SUCNR1: variants seen among roughly 807,000 people sequenced by gnomAD.
SUCNR1 encodes the protein G-protein coupled receptor 91.
SUCNR1 carries 5 observed loss-of-function variants against 2.4 expected under a neutral mutation model. The ratio of observed to expected loss-of-function variants is 2.07; its 90% CI spans 1.08 to 4.36. SUCNR1 has a LOEUF of 4.36. Among genes scored for constraint, SUCNR1 ranks in the 30% most tolerant of loss-of-function variants. The pLI is 0.00. For missense variants in SUCNR1, 373 were observed against 399.2 expected, an observed-to-expected ratio of 0.93 and a Z score of 0.56; for synonymous variants, 162 against 143.9, an observed-to-expected ratio of 1.13 and a Z score of -0.90.
In SUCNR1 at chr3:151,881,479, C is replaced by G. The variant is rs139804843; in HGVS notation, c.936C>G (p.His312Gln). The G allele has an allele frequency of 6.2e-7, 1 of 1,613,924 alleles. No homozygotes were observed. Among genetic ancestry groups the G allele is most frequent in the Non-Finnish European group, 8.5e-7 (1 of 1,179,884 alleles). The part of the protein sequence containing the change: ...FRDMLMNQLR[H>Q]NFKSLTSFSR... ...ACATGCTGATGAATCAACTGAGACA[C>G]AACTTCAAATCCCTTACATCCTTTA... is the stretch of plus-strand genomic sequence containing the variant. Residue 312 changes from histidine (H) to glutamine (Q), a missense_variant, in exon 3 of 3, where the codon CAC (histidine) becomes CAG (glutamine). This residue lies in a region of SUCNR1 where 157 missense variants were observed against 178.7 expected (regional missense o/e 0.88). Transcript: ENST00000362032.
At position 151,881,036 on chromosome 3, in the gene SUCNR1, A is replaced by G. The variant is rs551220719; in HGVS notation, c.493A>G (p.Ile165Val). ...CATACTTCCCCTTATAAATCCTGTT[A>G]TAACTGACAATGGCACCACCTGTAA... The part of the protein sequence containing the change: ...LPILPLINPV[I>V]TDNGTTCNDF... Residue 165 changes from isoleucine (I) to valine (V), a missense_variant, in exon 3 of 3, where the codon ATA (isoleucine) becomes GTA (valine). Ile to Val is a conservative substitution (Grantham distance 29). Around this residue, in one of 3 missense-constraint regions of SUCNR1, gnomAD observed 32 missense variants for 58.3 expected, o/e 0.55. Coordinates refer to ENST00000362032, the MANE Select transcript of SUCNR1 (RefSeq NM_033050.6). 8.7e-6 allele frequency: 14 copies of G among 1,614,192 alleles called. No homozygotes were observed. The highest frequency in any genetic ancestry group is 6.6e-5 in the South Asian group (6 of 91,082).
At position 151,883,465 on chromosome 3, in the gene SUCNR1, C is replaced by CATATATATAT. The variant is rs57096358; in HGVS notation, c.*1948_*1957dup. The CATATATATAT allele has an allele frequency of 8.8e-3, 704 of 80,330 alleles. 13 individuals carry two copies. Among genetic ancestry groups the CATATATATAT allele is most frequent in the Non-Finnish European group, 0.011 (449 of 42,176 alleles). The allele number at this position is 80,330 out of a possible 1,614,324, so 5.0% of individuals were successfully genotyped here. A position where few individuals can be genotyped will look rare whatever the true frequency, so the allele number is the denominator to read the frequency against. ...AATATTTTTTCAAACCATAAACTCA[C>CATATATATAT]ATATATATATATATATATATATATA... is the stretch of plus-strand genomic sequence containing the variant. On this transcript the variant is annotated 3_prime_UTR_variant, in exon 3 of 3. Transcript: ENST00000362032.
chr3:151,879,083 T>C (rs1718004388), intron 1 of SUCNR1, among the ~76,000 whole-genome samples: 2 of 152,216 alleles, frequency 1.3e-5, no homozygotes, highest in South Asian at 4.1e-4. Context: ...CAACCTTGGT[T>C]TTCCTCACTA....
At chr3:151,875,122 T>C (rs1717885833) in intron 1 of SUCNR1, among the ~76,000 whole-genome samples, 1 of 152,150 alleles carries the variant, frequency 6.6e-6, no homozygotes. Context: ...TTTAGATATA[T>C]TTTTGGACTG....
At chr3:151,878,889 G>A (rs943839731) in intron 1 of SUCNR1, among the ~76,000 whole-genome samples, 2 of 152,110 alleles carry the variant, frequency 1.3e-5, no homozygotes, top group Non-Finnish European at 2.9e-5. Flanking sequence ...AAATACATGA[G>A]TTTTCCAGAT....
Position 151,874,261 on chromosome 3 carries a change from G to A in SUCNR1, c.-42+555G>A, listed in dbSNP as rs192674541. Among the ~76,000 whole-genome samples, 211 of 147,928 alleles carry A rather than the reference G, an allele frequency of 1.4e-3. 3 individuals are homozygous for A. Among genetic ancestry groups the A allele is most frequent in the Admixed American group, 3.0e-3 (44 of 14,516 alleles). On this transcript the variant is annotated intron_variant, in intron 1 of 2. Transcript: ENST00000362032. ...CATGTGTTGGCTCACTGCAACCTCC[G>A]CCTCTGGGGTTCAAGCAATTCTCCT...
At chr3:151,879,787 T>A (rs1000490987) in intron 1 of SUCNR1, 65 bp from the exon 2 acceptor site, 1 of 672,946 alleles carries the variant, frequency 1.5e-6, no homozygotes, top group African/African-American at 1.9e-5. Context: ...TTTGGCAATA[T>A]GGAAACAAGT....
chr3:151,873,903 T>G (rs1034956170), intron 1 of SUCNR1, among the ~76,000 whole-genome samples, 197 bp downstream of exon 1: 35 of 152,062 alleles, frequency 2.3e-4, no homozygotes, highest in African/African-American at 8.2e-4. Flanking sequence ...AAATTAACTG[T>G]CTTCTTTTAG....
intron 1 of SUCNR1, among the ~76,000 whole-genome samples, chr3:151,875,722 T>C (rs180963577): frequency 5.3e-4 from 80 of 152,242 alleles, no homozygotes; most frequent in Admixed American, 2.5e-3. Context: ...TTTTAAAAAG[T>C]TGTTTCAAAA....
intron 1 of SUCNR1, among the ~76,000 whole-genome samples, 197 bp downstream of exon 1, chr3:151,873,903 T>A (rs1034956170): frequency 6.6e-6 from 1 of 151,944 alleles, no homozygotes; most frequent in Non-Finnish European, 1.5e-5. Context: ...AAATTAACTG[T>A]CTTCTTTTAG....
intron 1 of SUCNR1, among the ~76,000 whole-genome samples, chr3:151,879,097 A>C (rs1718004669): frequency 6.6e-6 from 1 of 152,218 alleles, no homozygotes; most frequent in Non-Finnish European, 1.5e-5. Context: ...CTCACTAGAA[A>C]TAAGTAACAC....
chr3:151,875,058 G>C (rs1717883344), intron 1 of SUCNR1, among the ~76,000 whole-genome samples: 1 of 152,020 alleles, frequency 6.6e-6, no homozygotes, highest in Non-Finnish European at 1.5e-5. Flanking sequence ...AGTATTATTG[G>C]TCTGCTTATG....
At chr3:151,876,434 G>A (rs899992357) in intron 1 of SUCNR1, among the ~76,000 whole-genome samples, 43 of 152,124 alleles carry the variant, frequency 2.8e-4, no homozygotes, top group Admixed American at 2.5e-3. Flanking sequence ...GAAATTTAAA[G>A]TTTTTAATAT....
Position 151,880,887 on chromosome 3 carries a change from T to C in SUCNR1, c.344T>C (p.Phe115Ser), listed in dbSNP as rs1389238591. The C allele has an allele frequency of 1.2e-6, 2 of 1,614,038 alleles. No homozygotes were observed. The highest frequency in any genetic ancestry group is 1.7e-6 in the Non-Finnish European group (2 of 1,180,026). Residue 115 changes from phenylalanine to serine, a missense_variant, in exon 3 of 3, where the codon TTT (phenylalanine) becomes TCT (serine). Phe to Ser is a radical substitution (Grantham distance 155). Coordinates refer to ENST00000362032, the MANE Select transcript of SUCNR1 (RefSeq NM_033050.6). ...NLYTSILFLT[F>S]ISIDRYLIIK... ...TATACCAGCATTCTCTTTCTCACTT[T>C]TATCAGCATAGATCGATACTTGATA...
rs935910357 is a variant in SUCNR1, at chr3:151,884,540, C to T, written c.*2992C>T. ...CAGAGATTCTGGATTCTGTTACATTCCATCAAAGAGTATTGATATTTTGTA... is the reference window on the plus strand; with the variant it reads ...CAGAGATTCTGGATTCTGTTACATTTCATCAAAGAGTATTGATATTTTGTA... On this transcript the variant is annotated 3_prime_UTR_variant, in exon 3 of 3. Coordinates refer to ENST00000362032, the MANE Select transcript of SUCNR1 (RefSeq NM_033050.6). 1 of 152,164 alleles carries T rather than the reference C, an allele frequency of 6.6e-6. No homozygotes were observed. The highest frequency in any genetic ancestry group is 2.4e-5 in the African/African-American group (1 of 41,434). The allele number at this position is 152,164 out of a possible 1,614,324, so 9.4% of individuals were successfully genotyped here. A position where few individuals can be genotyped will look rare whatever the true frequency, so the allele number is the denominator to read the frequency against.
intron 1 of SUCNR1, among the ~76,000 whole-genome samples, chr3:151,877,110 A>G (rs1216866367): frequency 6.6e-6 from 1 of 152,164 alleles, no homozygotes; most frequent in Non-Finnish European, 1.5e-5. Flanking sequence ...GCCAGGAATC[A>G]CAGGACAAAA....
At position 151,884,510 on chromosome 3, in the gene SUCNR1, T is replaced by C. The variant is rs779002461; in HGVS notation, c.*2962T>C. The C allele has an allele frequency of 6.6e-6, 1 of 152,226 alleles. No individual in the cohort carries two copies. The highest frequency in any genetic ancestry group is 1.5e-5 in the Non-Finnish European group (1 of 68,032). 9.4% of individuals were successfully genotyped at this position (152,226 alleles called of 1,614,324 possible). On this transcript the variant is annotated 3_prime_UTR_variant, in exon 3 of 3. Transcript: ENST00000362032. ...ATTTTATTCTAGATGATGAATAATG[T>C]GTGGCAGAGATTCTGGATTCTGTTA...
intron 1 of SUCNR1, among the ~76,000 whole-genome samples, chr3:151,875,817 T>C (rs1385235557): frequency 2.0e-5 from 3 of 152,192 alleles, no homozygotes; most frequent in Admixed American, 6.5e-5. Context: ...ACTCCTTCCC[T>C]ACTACTCCTT....
chr3:151,878,574 G>A (rs950462287), intron 1 of SUCNR1, among the ~76,000 whole-genome samples: 3 of 152,132 alleles, frequency 2.0e-5, no homozygotes, highest in Non-Finnish European at 4.4e-5. Flanking sequence ...ATATGAGAGA[G>A]CGGTAGAATT....
Sources: allele counts gnomAD v4.1 joint callset (sites outside exome capture counted in the v4.1 genomes callset), GRCh38; gene constraint gnomAD v4.1.1; regional missense constraint gnomAD v4.1.1; transcripts MANE v1.5; gene names NCBI Gene and HGNC (gene_info 2026-07-23, HGNC 2026-07-21).